The following AGBL1 variants were observed in gnomAD, a reference collection of about 807,000 sequenced individuals.
AGBL1 encodes cytosolic carboxypeptidase 4.
AGBL1 carries 130 observed loss-of-function variants against 118.9 expected under a neutral mutation model. The observed-to-expected ratio is 1.09, with a 90% CI of 0.95 to 1.26. The LOEUF (loss-of-function observed/expected upper bound fraction) is 1.26. Ranked by LOEUF, AGBL1 falls within the 50% of genes most tolerant of loss-of-function variation. The pLI, the probability that AGBL1 is intolerant of heterozygous loss-of-function variation, is 0.00. For synonymous variants in AGBL1, 555 were observed against 478.9 expected (o/e 1.16, Z -2.08); for missense variants, 1,584 against 1,298.1 (o/e 1.22, Z -3.38).
At chr15:86,406,196 G>A (rs920259115) in intron 18 of AGBL1, among the ~76,000 whole-genome samples, 10 of 152,214 alleles carry the variant, frequency 6.6e-5, no homozygotes, top group African/African-American at 2.2e-4. Flanking sequence ...GAAACAGAAA[G>A]AGTGTGTTTC....
chr15:86,678,610 A>G (rs538541135), intron 22 of AGBL1, among the ~76,000 whole-genome samples: 21 of 152,112 alleles, frequency 1.4e-4, no homozygotes, highest in South Asian at 1.0e-3. Context: ...CACATTTTCT[A>G]TATGGTTTAT....
chr15:86,570,657 G>A (rs962502898), intron 21 of AGBL1, among the ~76,000 whole-genome samples: 5 of 152,122 alleles, frequency 3.3e-5, no homozygotes, highest in East Asian at 1.9e-4. Flanking sequence ...GGATCTAGTC[G>A]GTCTTAGCGA....
At position 86,088,816 on chromosome 15, in the gene AGBL1, C is replaced by T. The variant is rs141262766; in HGVS notation, c.51+8793C>T. On this transcript the variant is annotated intron_variant, in intron 1 of 22. Coordinates refer to ENST00000614907, the MANE Select transcript of AGBL1 (RefSeq NM_001386094.1). ...TACTCAGAGAGGATTTCTCTGACAGCCCAATTAGCTACCGGGTCACTGTAT... is the reference window on the plus strand; with the variant it reads ...TACTCAGAGAGGATTTCTCTGACAGTCCAATTAGCTACCGGGTCACTGTAT... Among the ~76,000 whole-genome samples, 176 of 152,304 alleles carry T rather than the reference C, an allele frequency of 1.2e-3. 1 individual carries two copies. Among genetic ancestry groups the T allele is most frequent in the African/African-American group, 4.1e-3 (171 of 41,564 alleles).
intron 1 of AGBL1, among the ~76,000 whole-genome samples, chr15:86,096,666 T>C (rs572869487): frequency 1.4e-4 from 21 of 152,314 alleles, no homozygotes; most frequent in Non-Finnish European, 2.6e-4. Context: ...AGGTTCCTAA[T>C]ATTATGAGCA....
chr15:86,847,675 C>T (rs1046640474), intron 22 of AGBL1, among the ~76,000 whole-genome samples: 9 of 152,208 alleles, frequency 5.9e-5, no homozygotes, highest in Non-Finnish European at 1.3e-4. Flanking sequence ...TGTTGGGGAG[C>T]ACAGTCAGAC....
At chr15:86,918,243 C>A (rs905963027), downstream of AGBL1, among the ~76,000 whole-genome samples, 4 of 152,142 alleles carry the variant, frequency 2.6e-5, no homozygotes, top group Non-Finnish European at 4.4e-5. Context: ...TATTATGATA[C>A]CCATTTTACA....
intron 21 of AGBL1, among the ~76,000 whole-genome samples, chr15:86,619,056 T>C (rs56303743): frequency 0.16 from 24,729 of 151,784 alleles, 2,177 homozygotes; most frequent in Admixed American, 0.24. Flanking sequence ...ATGAGGACCC[T>C]CAGGGGTCTG....
intron 5 of AGBL1, among the ~76,000 whole-genome samples, chr15:86,207,678 G>A (rs1567126399): frequency 6.6e-6 from 1 of 152,184 alleles, no homozygotes; most frequent in East Asian, 1.9e-4. Context: ...CTGAGACTTT[G>A]CTGAAGTTGC....
At chr15:86,426,279 A>G (rs998012207) in intron 18 of AGBL1, among the ~76,000 whole-genome samples, 3 of 152,258 alleles carry the variant, frequency 2.0e-5, no homozygotes, top group Non-Finnish European at 2.9e-5. Flanking sequence ...AATTTGTATG[A>G]TGTACAAAAG....
At position 86,827,488 on chromosome 15, in the gene AGBL1, T is replaced by C. The variant is rs1212912945; in HGVS notation, c.3159-79599T>C. 8.0e-3 allele frequency among the ~76,000 whole-genome samples: 38 copies of C among 4,724 alleles called. 4 individuals are homozygous for C. The highest frequency in any genetic ancestry group is 0.067 in the East Asian group (4 of 60). The allele number at this position is 4,724 out of a possible 152,430, so 3.1% of individuals were successfully genotyped here. On this transcript the variant is annotated intron_variant, in intron 22 of 22. Coordinates refer to ENST00000614907, the MANE Select transcript of AGBL1 (RefSeq NM_001386094.1). ...ATATATACATATATATATATATGTG[T>C]GTATATATATATATATATATATATA...
intron 22 of AGBL1, among the ~76,000 whole-genome samples, chr15:86,905,284 A>G (rs1311337175): frequency 1.3e-5 from 2 of 152,208 alleles, no homozygotes; most frequent in Non-Finnish European, 1.5e-5. Context: ...ACATTATTTA[A>G]GCAAGACTGA....
rs1244185349 is a variant in AGBL1, at chr15:86,907,546, G to T, written c.*252G>T. 1 of 152,124 alleles carries T rather than the reference G, an allele frequency of 6.6e-6. No homozygotes were observed. The highest frequency in any genetic ancestry group is 1.5e-5 in the Non-Finnish European group (1 of 68,030). 9.4% of individuals were successfully genotyped at this position (152,124 alleles called of 1,614,324 possible). A position where few individuals can be genotyped will look rare whatever the true frequency, so the allele number is the denominator to read the frequency against. On this transcript the variant is annotated 3_prime_UTR_variant, in exon 23 of 23. Coordinates refer to ENST00000614907, the MANE Select transcript of AGBL1 (RefSeq NM_001386094.1). ...GCAAGCTGCTATTGTACTTAGAATG[G>T]GACCCAATGGGTAGCCTCAAGATTA...
chr15:86,567,054 T>C (rs1159212801), intron 21 of AGBL1, among the ~76,000 whole-genome samples: 1 of 152,214 alleles, frequency 6.6e-6, no homozygotes, highest in Non-Finnish European at 1.5e-5. Flanking sequence ...ACTCAATACA[T>C]GTTTACTGTT....
intron 21 of AGBL1, among the ~76,000 whole-genome samples, chr15:86,605,014 C>G (rs547466212): frequency 4.6e-5 from 7 of 152,032 alleles, no homozygotes; most frequent in Non-Finnish European, 1.0e-4. Flanking sequence ...AGGCTGGTCT[C>G]GAACTCCCAA....
At chr15:86,701,934 C>CCCCTCCTCTATCCCTT (rs1186894352) in intron 22 of AGBL1, among the ~76,000 whole-genome samples, 1 of 150,280 alleles carries the variant, frequency 6.7e-6, no homozygotes, top group Non-Finnish European at 1.5e-5. Context: ...TCCTTCCCCT[C>CCCCTCCTCTATCCCTT]CCCTCCTCTA....
intron 17 of AGBL1, among the ~76,000 whole-genome samples, chr15:86,394,301 TG>T (rs1276066523): frequency 6.6e-6 from 1 of 152,200 alleles, no homozygotes; most frequent in Non-Finnish European, 1.5e-5. Context: ...GCACAGCCTT[TG>T]GCATATATTT....
At chr15:86,629,395 A>T (rs898410672) in intron 21 of AGBL1, among the ~76,000 whole-genome samples, 1 of 152,176 alleles carries the variant, frequency 6.6e-6, no homozygotes, top group African/African-American at 2.4e-5. Flanking sequence ...AGCTGGCATG[A>T]GTCTTATGAT....
At chr15:86,807,576 T>C (rs1596500439) in intron 22 of AGBL1, among the ~76,000 whole-genome samples, 1 of 152,204 alleles carries the variant, frequency 6.6e-6, no homozygotes, top group East Asian at 1.9e-4. Flanking sequence ...CCATGCAGCC[T>C]ATAGGTATGG....
At chr15:86,120,915 A>G (rs1244293235) in intron 1 of AGBL1, among the ~76,000 whole-genome samples, 1 of 129,674 alleles carries the variant, frequency 7.7e-6, no homozygotes. Flanking sequence ...TTTTTTTTTT[A>G]AGATGGAGTC....
Sources: allele counts gnomAD v4.1 joint callset (sites outside exome capture counted in the v4.1 genomes callset), GRCh38; gene constraint gnomAD v4.1.1; transcripts MANE v1.5; gene names NCBI Gene and HGNC (gene_info 2026-07-23, HGNC 2026-07-21).